VAPB: variants seen among roughly 807,000 people sequenced by gnomAD.
The protein encoded by VAPB is VAMP associated protein B and C.
VAPB carries 7 observed loss-of-function variants against 25.6 expected under a neutral mutation model. The observed-to-expected ratio is 0.27, with a 90% CI of 0.16 to 0.51. The LOEUF (loss-of-function observed/expected upper bound fraction) is 0.51. VAPB is among the 20% of genes least tolerant of loss of function. The pLI is 0.97. For synonymous variants in VAPB, 112 were observed against 109.2 expected, an observed-to-expected ratio of 1.03 and a Z score of -0.16; for missense variants, 266 against 301.3, an observed-to-expected ratio of 0.88 and a Z score of 0.87.
intron 4 of VAPB, chr20:58,439,258 A>G (rs1005210049): frequency 1.9e-6 from 1 of 531,770 alleles, no homozygotes; most frequent in Non-Finnish European, 3.4e-6. Context: ...GTGCAGCCCG[A>G]TGGCCATTGA....
intron 4 of VAPB, 62 bp from the exon 5 acceptor site, chr20:58,440,845 G>T: frequency 1.3e-6 from 2 of 1,529,918 alleles, no homozygotes; most frequent in Non-Finnish European, 1.8e-6. Flanking sequence ...ACTTTACTTT[G>T]CATAAAAAAG....
rs185297732 is a variant in VAPB, at chr20:58,450,341, G to A, written c.*6106G>A. 1.5e-5 allele frequency: 7 copies of A among 452,922 alleles called. No individual in the cohort carries two copies. Among genetic ancestry groups the A allele is most frequent in the East Asian group, 1.4e-4 (2 of 14,382 alleles). 28.1% of individuals were successfully genotyped at this position (452,922 alleles called of 1,614,324 possible). A position where few individuals can be genotyped will look rare whatever the true frequency, so the allele number is the denominator to read the frequency against. On this transcript the variant is annotated 3_prime_UTR_variant, in exon 6 of 6. Transcript: ENST00000475243. Reference sequence around the variant, plus strand: ...TCATTCACTCCTTAGCAAACGTTTCGTAAGTACCCTCTGTCTGTTTGCTAC... The same window carrying A: ...TCATTCACTCCTTAGCAAACGTTTCATAAGTACCCTCTGTCTGTTTGCTAC...
At chr20:58,439,211 G>A (rs953932088) in intron 4 of VAPB, 186 bp downstream of exon 4, 14 of 609,512 alleles carry the variant, frequency 2.3e-5, no homozygotes, top group East Asian at 8.6e-5. Context: ...AAAAACTCAC[G>A]GAAAGACAAC....
intron 4 of VAPB, chr20:58,439,676 A>C (rs1989120302): frequency 6.5e-6 from 1 of 154,354 alleles, no homozygotes; most frequent in Non-Finnish European, 1.4e-5. Context: ...CCTGGAGGGC[A>C]ATATCAACCC....
chr20:58,440,835 A>G, intron 4 of VAPB, 72 bp from the exon 5 acceptor site: 2 of 1,456,186 alleles, frequency 1.4e-6, no homozygotes, highest in Non-Finnish European at 1.9e-6. Flanking sequence ...GCTGAGAACT[A>G]CTTTACTTTG....
At chr20:58,391,309 G>C (rs1249956785) in intron 1 of VAPB, among the ~76,000 whole-genome samples, 1 of 152,160 alleles carries the variant, frequency 6.6e-6, no homozygotes, top group African/African-American at 2.4e-5. Flanking sequence ...GAAGGGGGCA[G>C]ATGAGAATAA....
chr20:58,414,121 G>A lies in VAPB; in HGVS notation c.59-4090G>A, dbSNP rs1332781886. On this transcript the variant is annotated intron_variant, in intron 1 of 5. Transcript: ENST00000475243. ...TCCCGGACGGGGCGGCTGGCCGGGC[G>A]GGAGGCTGACGCCCCGACCTCCCTC... Among the ~76,000 whole-genome samples the A allele has an allele frequency of 5.8e-5, 7 of 119,734 alleles. 1 individual carries two copies. Among genetic ancestry groups the A allele is most frequent in the Non-Finnish European group, 1.8e-5 (1 of 54,328 alleles). The allele number at this position is 119,734 out of a possible 152,430, so 78.6% of individuals were successfully genotyped here.
chr20:58,442,597 G>C (rs1989187721), intron 5 of VAPB, among the ~76,000 whole-genome samples: 1 of 152,120 alleles, frequency 6.6e-6, no homozygotes, highest in Non-Finnish European at 1.5e-5. Context: ...GCCAAACACT[G>C]CCTTCTTGTT....
chr20:58,428,506 G>A (rs548313898), intron 2 of VAPB, among the ~76,000 whole-genome samples: 1 of 152,220 alleles, frequency 6.6e-6, no homozygotes, highest in South Asian at 2.1e-4. Flanking sequence ...TGAAGATGCA[G>A]CTGGGCACAG....
At chr20:58,408,599 T>C (rs953986181) in intron 1 of VAPB, among the ~76,000 whole-genome samples, 1 of 149,970 alleles carries the variant, frequency 6.7e-6, no homozygotes, top group Non-Finnish European at 1.5e-5. Flanking sequence ...TAGTATGGTA[T>C]CTTTCATTTT....
In VAPB at chr20:58,394,587, G is replaced by A. The variant is rs370172714; in HGVS notation, c.58+5070G>A. On this transcript the variant is annotated intron_variant, in intron 1 of 5. Transcript: ENST00000475243. ...ATTAAGTAGCTTGCTTATCAAAAGC[G>A]GCATTAAACTTACTAAACTTGAGTC... 1.4e-4 allele frequency among the ~76,000 whole-genome samples: 21 copies of A among 152,286 alleles called. No individual in the cohort carries two copies. The East Asian group carries it at 1.7e-3, about 13-fold the overall frequency.
chr20:58,428,371 G>T (rs1988853756), intron 2 of VAPB, among the ~76,000 whole-genome samples: 1 of 152,194 alleles, frequency 6.6e-6, no homozygotes, highest in Admixed American at 6.5e-5. Flanking sequence ...AGGATAGATG[G>T]TTCATTTAAG....
intron 1 of VAPB, among the ~76,000 whole-genome samples, chr20:58,417,342 AG>A (rs1988565726): frequency 6.6e-6 from 1 of 152,250 alleles, no homozygotes. Context: ...GTGTAAACAT[AG>A]ATGATGTGGA....
At chr20:58,433,083 A>G (rs1240461044) in intron 2 of VAPB, among the ~76,000 whole-genome samples, 5 of 152,298 alleles carry the variant, frequency 3.3e-5, no homozygotes, top group South Asian at 4.1e-4. Context: ...GAAGAGTGCT[A>G]CTGCATCCCT....
At chr20:58,406,342 G>C (rs909069820) in intron 1 of VAPB, among the ~76,000 whole-genome samples, 1 of 152,186 alleles carries the variant, frequency 6.6e-6, no homozygotes, top group Non-Finnish European at 1.5e-5. Context: ...TCCAAAGGCA[G>C]AGTAAGGGAA....
At chr20:58,418,551 G>A (rs990062295) in intron 2 of VAPB, among the ~76,000 whole-genome samples, 188 bp downstream of exon 2, 2 of 128,744 alleles carry the variant, frequency 1.6e-5, no homozygotes, top group Non-Finnish European at 3.1e-5. Flanking sequence ...CCAGTCGCCT[G>A]TTTTTTTCAT....
At chr20:58,436,086 G>A (rs1052432381) in intron 3 of VAPB, among the ~76,000 whole-genome samples, 2 of 152,104 alleles carry the variant, frequency 1.3e-5, no homozygotes, top group African/African-American at 2.4e-5. Flanking sequence ...GTAAGTGCCT[G>A]GTGGGTCCAG....
chr20:58,432,855 C>T (rs191065627), intron 2 of VAPB, among the ~76,000 whole-genome samples: 8 of 152,338 alleles, frequency 5.3e-5, no homozygotes, highest in Non-Finnish European at 1.5e-5. Flanking sequence ...CTCTTGCCAG[C>T]TCAGTGATGC....
intron 1 of VAPB, among the ~76,000 whole-genome samples, chr20:58,413,139 C>CTTTTT (rs11481028): frequency 1.1e-4 from 14 of 132,596 alleles, no homozygotes; most frequent in Non-Finnish European, 2.1e-4. Flanking sequence ...TATTTGCCTT[C>CTTTTT]TTTTTTTTTT....
Sources: allele counts gnomAD v4.1 joint callset (sites outside exome capture counted in the v4.1 genomes callset), GRCh38; gene constraint gnomAD v4.1.1; transcripts MANE v1.5; gene names NCBI Gene and HGNC (gene_info 2026-07-23, HGNC 2026-07-21).